XPO4: variants seen among roughly 807,000 people sequenced by gnomAD.
The protein encoded by XPO4 is exportin-4.
In XPO4, 39 loss-of-function variants were observed where a neutral mutation model predicts 143.0. The ratio of observed to expected loss-of-function variants is 0.27; its 90% CI spans 0.21 to 0.36. The LOEUF is 0.36. Among genes scored for constraint, XPO4 ranks in the 10% least tolerant of loss-of-function variants. The pLI is 1.00. For missense variants in XPO4, 907 were observed against 1,348.0 expected (o/e 0.67, Z 5.12); for synonymous variants, 439 against 474.0 (o/e 0.93, Z 0.96).
At chr13:20,879,020 C>T (rs1475168232) in intron 1 of XPO4, 2 of 852,920 alleles carry the variant, frequency 2.3e-6, no homozygotes, top group African/African-American at 1.8e-5. Flanking sequence ...ACTGAGCTTA[C>T]AAGAAATTAA....
At chr13:20,872,939 G>A (rs1348768135) in intron 1 of XPO4, among the ~76,000 whole-genome samples, 1 of 152,082 alleles carries the variant, frequency 6.6e-6, no homozygotes, top group Non-Finnish European at 1.5e-5. Context: ...TAAACAAAGA[G>A]TAATAAAGGG....
At chr13:20,834,803 AT>A (rs1160193954) in intron 6 of XPO4, among the ~76,000 whole-genome samples, 2 of 152,028 alleles carry the variant, frequency 1.3e-5, no homozygotes, top group Non-Finnish European at 2.9e-5. Flanking sequence ...CTACAAAAAA[AT>A]TTAAAAATTA....
chr13:20,792,105 G>T (rs2059288770), intron 18 of XPO4, among the ~76,000 whole-genome samples: 1 of 152,206 alleles, frequency 6.6e-6, no homozygotes, highest in Non-Finnish European at 1.5e-5. Flanking sequence ...CTCCAAGAGG[G>T]CTCAGTCTCT....
At chr13:20,824,328 A>C (rs1039281456) in intron 7 of XPO4, among the ~76,000 whole-genome samples, 1 of 152,202 alleles carries the variant, frequency 6.6e-6, no homozygotes, top group African/African-American at 2.4e-5. Context: ...ATCAGCATTT[A>C]AGCATGATAT....
intron 1 of XPO4, among the ~76,000 whole-genome samples, chr13:20,869,840 C>T (rs1469523413): frequency 2.0e-5 from 3 of 152,152 alleles, no homozygotes; most frequent in Admixed American, 2.0e-4. Flanking sequence ...CCCAGTCGCT[C>T]ATGCCTGTAA....
Position 20,797,040 on chromosome 13 carries a change from C to T in XPO4, c.2340G>A (p.Gln780=), listed in dbSNP as rs200601946. ...QYWTEVLQPL[Q]QRFLRVINQE... is the part of the protein sequence containing the mutation. ...GGTTTATCACTCTTAAGAATCGCTGCTGAAGTGGCTGAAGAACCTATAAAA... is the reference window on the plus strand; with the variant it reads ...GGTTTATCACTCTTAAGAATCGCTGTTGAAGTGGCTGAAGAACCTATAAAA... Residue 780 remains glutamine (Q), a synonymous_variant, in exon 17 of 23, where the codon CAG becomes CAA. Coordinates refer to ENST00000255305, the MANE Select transcript of XPO4 (RefSeq NM_022459.5). 9.4e-4 allele frequency: 1,492 copies of T among 1,588,906 alleles called. 1 individual carries two copies. Among genetic ancestry groups the T allele is most frequent in the Middle Eastern group, 3.5e-3 (21 of 5,924 alleles).
chr13:20,786,065 CAGAG>C (rs1443674908), intron 22 of XPO4, among the ~76,000 whole-genome samples: 3 of 151,934 alleles, frequency 2.0e-5, no homozygotes, highest in Non-Finnish European at 4.4e-5. Flanking sequence ...AGACAAATGA[CAGAG>C]AAAGGGCACA....
At chr13:20,808,263 C>T (rs2059533077) in intron 12 of XPO4, among the ~76,000 whole-genome samples, 173 bp downstream of exon 12, 1 of 152,150 alleles carries the variant, frequency 6.6e-6, no homozygotes, top group Admixed American at 6.5e-5. Context: ...GCACTGCATA[C>T]ATATTAGCCA....
intron 3 of XPO4, 66 bp downstream of exon 3, chr13:20,862,651 A>G (rs2060212529): frequency 6.3e-7 from 1 of 1,588,106 alleles, no homozygotes; most frequent in Non-Finnish European, 8.6e-7. Context: ...GCAAACAAAA[A>G]AAGCTCTAAA....
chr13:20,851,729 A>G (rs2060091619), intron 4 of XPO4: 1 of 901,668 alleles, frequency 1.1e-6, no homozygotes, highest in Non-Finnish European at 1.3e-6. Context: ...AAAAAAAAAA[A>G]AGAAAGAAAG....
intron 2 of XPO4, 21 bp from the exon 3 acceptor site, chr13:20,862,879 T>C (rs2060214559): frequency 6.2e-7 from 1 of 1,609,300 alleles, no homozygotes; most frequent in East Asian, 2.2e-5. Context: ...AATTAAAAAC[T>C]TTATTTAAAC....
At chr13:20,871,295 C>T (rs543760618) in intron 1 of XPO4, among the ~76,000 whole-genome samples, 21 of 152,242 alleles carry the variant, frequency 1.4e-4, no homozygotes, top group African/African-American at 4.8e-4. Flanking sequence ...GCTGGGATCA[C>T]AGGCATGAGC....
At chr13:20,820,907 C>T (rs2059711833) in intron 9 of XPO4, among the ~76,000 whole-genome samples, 1 of 152,154 alleles carries the variant, frequency 6.6e-6, no homozygotes, top group African/African-American at 2.4e-5. Flanking sequence ...TTTCCTCTTA[C>T]AGCCTTTCAG....
At chr13:20,866,307 GA>G in intron 2 of XPO4, 1 of 984,714 alleles carries the variant, frequency 1.0e-6, no homozygotes, top group Non-Finnish European at 1.2e-6. Flanking sequence ...GATAAGAAGA[GA>G]AAGAAATGAG....
chr13:20,873,777 C>T (rs2060325721), intron 1 of XPO4, among the ~76,000 whole-genome samples: 2 of 152,114 alleles, frequency 1.3e-5, no homozygotes, highest in Non-Finnish European at 2.9e-5. Flanking sequence ...ACTACAGGCA[C>T]GCACCACCAT....
At chr13:20,810,874 T>C (rs2059573194) in intron 9 of XPO4, among the ~76,000 whole-genome samples, 1 of 152,240 alleles carries the variant, frequency 6.6e-6, no homozygotes, top group Non-Finnish European at 1.5e-5. Flanking sequence ...TTCTTCTTCA[T>C]TTAGCTACTA....
chr13:20,855,802 A>G, intron 3 of XPO4, 37 bp from the exon 4 acceptor site: 1 of 1,543,784 alleles, frequency 6.5e-7, no homozygotes, highest in Non-Finnish European at 8.7e-7. Flanking sequence ...AAATTTACCT[A>G]AATCTAATAC....
At position 20,782,252 on chromosome 13, in the gene XPO4, G is replaced by A. The variant is rs1180396307; in HGVS notation, c.*1470C>T. The A allele has an allele frequency of 6.6e-6, 1 of 152,240 alleles. No individual in the cohort carries two copies. Among genetic ancestry groups the A allele is most frequent in the Non-Finnish European group, 1.5e-5 (1 of 68,048 alleles). The allele number at this position is 152,240 out of a possible 1,614,324, so 9.4% of individuals were successfully genotyped here. On this transcript the variant is annotated 3_prime_UTR_variant, in exon 23 of 23. Coordinates refer to ENST00000255305, the MANE Select transcript of XPO4 (RefSeq NM_022459.5). ...TTGCAGAATGGTTTAATAGATAGGT[G>A]TCAGGAACATGGTGGAAGCAGAGTT...
chr13:20,895,132 T>A (rs1322048367), intron 1 of XPO4, among the ~76,000 whole-genome samples: 1 of 148,474 alleles, frequency 6.7e-6, no homozygotes, highest in Non-Finnish European at 1.5e-5. Context: ...GAGCCGAGAT[T>A]GCGCCACTGC....
Sources: gnomAD v4.1 joint callset for allele counts (sites outside exome capture counted in the v4.1 genomes callset) on GRCh38, gnomAD v4.1.1 for gene constraint, MANE v1.5 for transcripts, NCBI Gene and HGNC (gene_info 2026-07-23, HGNC 2026-07-21) for gene names.